The following PTPRN2 variants were observed in gnomAD, a reference collection of about 807,000 sequenced individuals.
PTPRN2 encodes the protein protein tyrosine phosphatase receptor type N2, also known as receptor-type tyrosine-protein phosphatase N2.
A neutral mutation model predicts 118.8 loss-of-function variants in PTPRN2; 74 were observed. The ratio of observed to expected loss-of-function variants is 0.62; its 90% CI spans 0.52 to 0.76. PTPRN2 has a LOEUF of 0.76. Ranked by LOEUF, PTPRN2 falls within the 30% of genes least tolerant of loss-of-function variation. The probability of loss-of-function intolerance (pLI) is 0.00; values close to 1 mark genes in which losing one functional copy is unlikely to be tolerated. For missense variants in PTPRN2, 1,481 were observed against 1,394.4 expected, an observed-to-expected ratio of 1.06 and a Z score of -0.99; for synonymous variants, 641 against 608.0, an observed-to-expected ratio of 1.05 and a Z score of -0.80.
chr7:158,437,108 C>T (rs557439653), intron 2 of PTPRN2, among the ~76,000 whole-genome samples: 1 of 152,266 alleles, frequency 6.6e-6, no homozygotes. Flanking sequence ...TCCAACAGAT[C>T]TCCTCTGCCT....
intron 3 of PTPRN2, among the ~76,000 whole-genome samples, chr7:158,260,300 GCT>G (rs1797312556): frequency 2.0e-5 from 3 of 152,184 alleles, no homozygotes; most frequent in African/African-American, 4.8e-5. Context: ...CTTGACAAAA[GCT>G]TTCATATCAG....
intron 12 of PTPRN2, among the ~76,000 whole-genome samples, chr7:157,867,778 C>T (rs1035594644): frequency 3.9e-5 from 6 of 152,212 alleles, no homozygotes; most frequent in African/African-American, 1.4e-4. Context: ...AGGGTCCCTC[C>T]CAGAATCCAG....
Position 158,543,820 on chromosome 7 carries a change from G to A in PTPRN2, c.112+43738C>T, listed in dbSNP as rs376934351. ...TTCCTCACAAAAATCTACTGAGACC[G>A]GATCTTGTCTGGGTCTCGGAGCCCA... On this transcript the variant is annotated intron_variant, in intron 1 of 22. Transcript: ENST00000389418. 2.5e-4 allele frequency among the ~76,000 whole-genome samples: 38 copies of A among 152,340 alleles called. No homozygotes were observed. In the South Asian group the frequency reaches 3.3e-3, roughly 13 times the overall value.
Position 158,517,048 on chromosome 7 carries a change from T to G in PTPRN2, c.113-27263A>C, listed in dbSNP as rs944105081. 1.3e-5 allele frequency among the ~76,000 whole-genome samples: 2 copies of G among 152,230 alleles called. No individual in the cohort carries two copies. The highest frequency in any genetic ancestry group is 4.8e-5 in the African/African-American group (2 of 41,454). On this transcript the variant is annotated intron_variant, in intron 1 of 22. Coordinates refer to ENST00000389418, the MANE Select transcript of PTPRN2 (RefSeq NM_002847.5). The surrounding 1 kb of genome is among the most constrained non-coding windows in gnomAD (Gnocchi z 5.3). ...TCCAAACCACTAGACCTGGGGCACC[T>G]TGGGCCCCAGCATGGTGCCTCACTG... is the stretch of plus-strand genomic sequence containing the variant.
intron 3 of PTPRN2, among the ~76,000 whole-genome samples, chr7:158,277,884 G>T (rs929493210): frequency 6.6e-6 from 1 of 152,154 alleles, no homozygotes; most frequent in Non-Finnish European, 1.5e-5. Flanking sequence ...CTGGCATCAC[G>T]GCTGCGGCAG....
chr7:158,473,457 G>A (rs550592598), intron 2 of PTPRN2, among the ~76,000 whole-genome samples: 1 of 152,302 alleles, frequency 6.6e-6, no homozygotes, highest in East Asian at 1.9e-4. Context: ...CCTCTGCTGT[G>A]TCTGTGCACC....
intron 1 of PTPRN2, among the ~76,000 whole-genome samples, chr7:158,571,973 A>G (rs1229813645): frequency 6.6e-6 from 1 of 152,222 alleles, no homozygotes; most frequent in Non-Finnish European, 1.5e-5. Context: ...AAATTCTACT[A>G]TAAGATAAGC....
chr7:157,768,908 G>C (rs762404325), intron 12 of PTPRN2, among the ~76,000 whole-genome samples: 3 of 152,246 alleles, frequency 2.0e-5, no homozygotes, highest in Middle Eastern at 6.8e-3. Flanking sequence ...CGGCGAAGTC[G>C]ACACACACAT....
intron 11 of PTPRN2, among the ~76,000 whole-genome samples, chr7:157,999,801 C>T (rs10249537): frequency 0.67 from 101,722 of 152,084 alleles, 34,473 homozygotes; most frequent in East Asian, 0.88. Context: ...GACTGGGGTT[C>T]GCAGCTCCGA....
chr7:158,486,745 T>C (rs983496211), intron 2 of PTPRN2, among the ~76,000 whole-genome samples: 1 of 152,216 alleles, frequency 6.6e-6, no homozygotes, highest in East Asian at 1.9e-4. Context: ...AGGCTGCAGT[T>C]TCATAGTTCC....
At chr7:157,660,034 A>T (rs1244244450) in intron 13 of PTPRN2, among the ~76,000 whole-genome samples, 3 of 152,178 alleles carry the variant, frequency 2.0e-5, no homozygotes, top group Non-Finnish European at 4.4e-5. Flanking sequence ...CCAGTAACCA[A>T]CCTGAGTATA....
intron 9 of PTPRN2, among the ~76,000 whole-genome samples, chr7:158,128,830 G>C (rs933721871): frequency 1.3e-5 from 2 of 152,054 alleles, no homozygotes; most frequent in Admixed American, 6.5e-5. Context: ...CCCCTGCAAG[G>C]GTGGCTCAAG....
At chr7:158,247,703 G>A (rs138900398) in intron 3 of PTPRN2, among the ~76,000 whole-genome samples, 172 of 152,222 alleles carry the variant, frequency 1.1e-3, no homozygotes, top group East Asian at 1.9e-3. Context: ...TGCAATCTCC[G>A]CCTCCCGGGT....
intron 2 of PTPRN2, among the ~76,000 whole-genome samples, chr7:158,361,370 C>T (rs1167925081): frequency 2.7e-5 from 4 of 150,296 alleles, no homozygotes; most frequent in African/African-American, 9.8e-5. Flanking sequence ...CCCAGGATGA[C>T]CCACAGACGC....
chr7:157,768,176 T>G (rs1309923058), intron 12 of PTPRN2, among the ~76,000 whole-genome samples: 1 of 152,260 alleles, frequency 6.6e-6, no homozygotes, highest in Non-Finnish European at 1.5e-5. Flanking sequence ...CTAACAAGAC[T>G]GCAACCTATA....
intron 2 of PTPRN2, among the ~76,000 whole-genome samples, chr7:158,407,121 T>TGGGTCCC: frequency 6.9e-6 from 1 of 144,386 alleles, no homozygotes; most frequent in South Asian, 2.3e-4. Context: ...TCCTGCGTCC[T>TGGGTCCC]GGGTCCTGGG....
At chr7:158,485,075 C>T (rs918580056) in intron 2 of PTPRN2, among the ~76,000 whole-genome samples, 5 of 152,230 alleles carry the variant, frequency 3.3e-5, no homozygotes, top group Admixed American at 2.0e-4. Context: ...CACCCTGCAA[C>T]GGCCCGCAGG....
At chr7:158,365,241 G>A (rs1809343539) in intron 2 of PTPRN2, among the ~76,000 whole-genome samples, 1 of 152,302 alleles carries the variant, frequency 6.6e-6, no homozygotes, top group Non-Finnish European at 1.5e-5. Context: ...AGTCTCCATC[G>A]CGTTGGACGG....
chr7:157,918,392 TAAA>T (rs1798527751), intron 11 of PTPRN2, among the ~76,000 whole-genome samples: 3 of 152,120 alleles, frequency 2.0e-5, no homozygotes, highest in Non-Finnish European at 4.4e-5. Flanking sequence ...TGGCAACAGG[TAAA>T]CCATCGAAGG....
Sources: gnomAD v4.1 joint callset for allele counts (sites outside exome capture counted in the v4.1 genomes callset) on GRCh38, gnomAD v4.1.1 for gene constraint, Gnocchi (gnomAD v3.1) non-coding constraint, MANE v1.5 for transcripts, NCBI Gene and HGNC (gene_info 2026-07-23, HGNC 2026-07-21) for gene names.